ATXN7L1: variants seen among roughly 807,000 people sequenced by gnomAD.
ATXN7L1 encodes the protein ataxin-7-like protein 1.
In ATXN7L1, 15 loss-of-function variants were observed where a neutral mutation model predicts 70.8. That is an observed-to-expected ratio of 0.21 (90% confidence interval 0.14 to 0.33). The LOEUF is 0.33. ATXN7L1 is among the 10% of genes least tolerant of loss of function. The probability of loss-of-function intolerance (pLI) is 1.00; values close to 1 mark genes in which losing one functional copy is unlikely to be tolerated. For missense variants in ATXN7L1, 975 were observed against 1,097.1 expected (o/e 0.89, Z 1.57); for synonymous variants, 440 against 445.1 (o/e 0.99, Z 0.14).
In ATXN7L1 at chr7:105,764,645, G is replaced by A. The variant is rs1009337725; in HGVS notation, c.355+23959C>T. Reference sequence around the variant, plus strand: ...CTGGGGCAATGTGGAGGAATGAGAGGGAATGTCTTCCTCAAGGAGTTCACA... The same window carrying A: ...CTGGGGCAATGTGGAGGAATGAGAGAGAATGTCTTCCTCAAGGAGTTCACA... On this transcript the variant is annotated intron_variant, in intron 3 of 11. Transcript: ENST00000419735. Among the ~76,000 whole-genome samples the A allele has an allele frequency of 7.9e-5, 12 of 152,244 alleles. No individual in the cohort carries two copies. In the South Asian group the frequency reaches 1.0e-3, roughly 13 times the overall value.
chr7:105,776,828 G>A (rs764348958), intron 3 of ATXN7L1, among the ~76,000 whole-genome samples: 2 of 152,052 alleles, frequency 1.3e-5, no homozygotes, highest in Non-Finnish European at 2.9e-5. Context: ...GGAATGCAGT[G>A]GCACAATCTT....
At chr7:105,698,989 T>C (rs564969138) in intron 3 of ATXN7L1, among the ~76,000 whole-genome samples, 5 of 152,290 alleles carry the variant, frequency 3.3e-5, no homozygotes, top group African/African-American at 1.2e-4. Flanking sequence ...GCATCAAATT[T>C]GGTGTTTCTA....
intron 3 of ATXN7L1, among the ~76,000 whole-genome samples, chr7:105,739,713 A>G (rs530627492): frequency 3.3e-5 from 5 of 152,366 alleles, no homozygotes; most frequent in African/African-American, 1.2e-4. Flanking sequence ...TTCCTGGATC[A>G]AGTGAATTAT....
intron 5 of ATXN7L1, among the ~76,000 whole-genome samples, chr7:105,640,067 T>C (rs636427): frequency 0.042 from 6,437 of 151,920 alleles, 222 homozygotes; most frequent in East Asian, 0.21. Flanking sequence ...GCCATGTAAA[T>C]GGGAGATTAC....
chr7:105,832,648 G>A (rs753394464), intron 2 of ATXN7L1, among the ~76,000 whole-genome samples: 2 of 152,136 alleles, frequency 1.3e-5, no homozygotes, highest in Non-Finnish European at 2.9e-5. Context: ...CCCAGCCACT[G>A]CCTGCCTGAC....
At chr7:105,843,393 G>A (rs1200026635) in intron 2 of ATXN7L1, among the ~76,000 whole-genome samples, 4 of 152,348 alleles carry the variant, frequency 2.6e-5, no homozygotes, top group Middle Eastern at 3.4e-3. Context: ...CAGAAAAGCC[G>A]GGGCATTAAG....
intron 3 of ATXN7L1, among the ~76,000 whole-genome samples, chr7:105,697,134 A>G (rs1440471760): frequency 1.3e-5 from 2 of 152,222 alleles, no homozygotes; most frequent in Non-Finnish European, 1.5e-5. Flanking sequence ...TTGCTAATGA[A>G]GTTTCGGGCA....
At chr7:105,657,981 A>C (rs2116020791) in intron 4 of ATXN7L1, among the ~76,000 whole-genome samples, 1 of 152,302 alleles carries the variant, frequency 6.6e-6, no homozygotes, top group East Asian at 1.9e-4. Flanking sequence ...AATAAAACAC[A>C]TGCAGGATTT....
intron 3 of ATXN7L1, among the ~76,000 whole-genome samples, chr7:105,737,095 T>G (rs1230279026): frequency 6.6e-6 from 1 of 152,242 alleles, no homozygotes; most frequent in Non-Finnish European, 1.5e-5. Context: ...TTAATAAAAT[T>G]TCTAATGTAT....
chr7:105,851,348 T>C (rs1267898172), intron 2 of ATXN7L1, among the ~76,000 whole-genome samples: 1 of 152,186 alleles, frequency 6.6e-6, no homozygotes, highest in Non-Finnish European at 1.5e-5. Context: ...CCCTGCACCA[T>C]CGAGTTCCTC....
intron 4 of ATXN7L1, among the ~76,000 whole-genome samples, chr7:105,643,380 T>C (rs895278400): frequency 3.3e-5 from 5 of 152,274 alleles, no homozygotes; most frequent in Admixed American, 3.3e-4. Context: ...GCTGTCCCCA[T>C]AGATCCTGCA....
chr7:105,679,032 T>G lies in ATXN7L1; in HGVS notation c.356-13744A>C, dbSNP rs113963982. 15 of 973,496 alleles carry G rather than the reference T, an allele frequency of 1.5e-5. No homozygotes were observed. In the African/African-American group the frequency reaches 1.8e-4, roughly 11 times the overall value. 60.3% of individuals were successfully genotyped at this position (973,496 alleles called of 1,614,324 possible). A position where few individuals can be genotyped will look rare whatever the true frequency, so the allele number is the denominator to read the frequency against. ...CCCACGCCGTCCTGTGTGGCCCTCG[T>G]GCCCTGCGCTCACACTTACACATCC... On this transcript the variant is annotated intron_variant, in intron 3 of 11. Transcript: ENST00000419735.
intron 8 of ATXN7L1, among the ~76,000 whole-genome samples, chr7:105,620,754 G>T: frequency 6.6e-6 from 1 of 152,028 alleles, no homozygotes; most frequent in Non-Finnish European, 1.5e-5. Context: ...AATTAGCCAG[G>T]CATGGTGGCA....
intron 3 of ATXN7L1, among the ~76,000 whole-genome samples, chr7:105,717,991 T>C (rs1286202494): frequency 6.6e-6 from 1 of 152,224 alleles, no homozygotes; most frequent in Non-Finnish European, 1.5e-5. Context: ...AACTGTTTCT[T>C]AAGACAACTA....
chr7:105,772,790 T>C (rs1302339128), intron 3 of ATXN7L1, among the ~76,000 whole-genome samples: 1 of 152,220 alleles, frequency 6.6e-6, no homozygotes, highest in Admixed American at 6.5e-5. Context: ...TGGAATACTG[T>C]ACACAAGAGA....
intron 3 of ATXN7L1, among the ~76,000 whole-genome samples, chr7:105,667,131 C>T (rs1209958467): frequency 1.3e-5 from 2 of 152,208 alleles, no homozygotes; most frequent in African/African-American, 2.4e-5. Flanking sequence ...GGAATTCGTC[C>T]TTTGTAAAAT....
chr7:105,624,238 C>T lies in ATXN7L1; in HGVS notation c.1232G>A (p.Ser411Asn). 6.1e-6 allele frequency: 9 copies of T among 1,475,512 alleles called. No individual in the cohort carries two copies. The highest frequency in any genetic ancestry group is 8.1e-6 in the Non-Finnish European group (9 of 1,104,788). 91.4% of individuals were successfully genotyped at this position (1,475,512 alleles called of 1,614,324 possible). A position where few individuals can be genotyped will look rare whatever the true frequency, so the allele number is the denominator to read the frequency against. The change falls in exon 8 of 12, where the codon AGC becomes AAC. Residue 411 changes from serine (S) to asparagine (N), a missense_variant. Ser to Asn is a conservative substitution (Grantham distance 46, BLOSUM62 1). This residue lies in a region of ATXN7L1 where 635 missense variants were observed against 699.4 expected (regional missense o/e 0.91). Coordinates refer to ENST00000419735, the MANE Select transcript of ATXN7L1 (RefSeq NM_020725.2). ...GTGGCCGCTATGATTTGAAGATGTG[C>T]TGCTGCTTATGCTATTTGCAGATGA... Reference protein sequence around the residue: ...RPSSANSISSSTSSNHSGHTP... With the variant: ...RPSSANSISSNTSSNHSGHTP...
chr7:105,651,120 C>T (rs1799767206), intron 4 of ATXN7L1, among the ~76,000 whole-genome samples: 1 of 152,170 alleles, frequency 6.6e-6, no homozygotes, highest in Non-Finnish European at 1.5e-5. Context: ...GGACACCTGG[C>T]CTGGCAAGGA....
At chr7:105,637,426 C>T (rs1232777137) in intron 7 of ATXN7L1, among the ~76,000 whole-genome samples, 1 of 152,196 alleles carries the variant, frequency 6.6e-6, no homozygotes, top group Non-Finnish European at 1.5e-5. Flanking sequence ...CTGCACTTCT[C>T]ACTGAGTATT....
Sources: gnomAD v4.1 joint callset for allele counts (sites outside exome capture counted in the v4.1 genomes callset) on GRCh38, gnomAD v4.1.1 for gene constraint, gnomAD v4.1.1 regional missense constraint, MANE v1.5 for transcripts, NCBI Gene and HGNC (gene_info 2026-07-23, HGNC 2026-07-21) for gene names.